Variants in GRM8 observed in about 807,000 individuals in gnomAD.
GRM8 encodes metabotropic glutamate receptor 8.
In GRM8, 47 loss-of-function variants were observed where a neutral mutation model predicts 87.2. The ratio of observed to expected loss-of-function variants is 0.54; its 90% CI spans 0.43 to 0.69. GRM8 has a LOEUF of 0.69. Among genes scored for constraint, GRM8 ranks in the 30% least tolerant of loss-of-function variants. GRM8 has a pLI of 0.00. For missense variants in GRM8, 1,019 were observed against 1,139.2 expected (o/e 0.89, Z 1.52); for synonymous variants, 396 against 404.5 (o/e 0.98, Z 0.25).
chr7:126,870,551 C>T (rs949111917), intron 6 of GRM8: 2 of 151,992 alleles, frequency 1.3e-5, no homozygotes, highest in Non-Finnish European at 2.9e-5. Context: ...TATTAATTGG[C>T]CAAATTCCAA....
chr7:126,569,588 A>G (rs1354803578), intron 8 of GRM8, among the ~76,000 whole-genome samples: 1 of 152,194 alleles, frequency 6.6e-6, no homozygotes, highest in Non-Finnish European at 1.5e-5. Context: ...ATGAAACCAC[A>G]TGGAGAACTC....
At chr7:126,999,557 A>G (rs1047558654) in intron 3 of GRM8, among the ~76,000 whole-genome samples, 1 of 151,782 alleles carries the variant, frequency 6.6e-6, no homozygotes, top group African/African-American at 2.4e-5. Context: ...AAATACAATA[A>G]TCTGATGTTA....
chr7:127,013,962 C>A (rs985828395), intron 3 of GRM8, among the ~76,000 whole-genome samples: 6 of 152,110 alleles, frequency 3.9e-5, no homozygotes, highest in African/African-American at 1.4e-4. Flanking sequence ...GTGCATCAGC[C>A]CATCTCATAA....
intron 9 of GRM8, among the ~76,000 whole-genome samples, chr7:126,514,429 T>C (rs1811879940): frequency 6.6e-6 from 1 of 152,150 alleles, no homozygotes; most frequent in Non-Finnish European, 1.5e-5. Flanking sequence ...GTTTTACAAC[T>C]CACAAATTCC....
chr7:126,642,189 T>C (rs950301540), intron 7 of GRM8, among the ~76,000 whole-genome samples: 3 of 152,228 alleles, frequency 2.0e-5, no homozygotes, highest in Non-Finnish European at 4.4e-5. Flanking sequence ...TTAATGAGTA[T>C]ATATTTTACA....
At chr7:126,482,588 A>G (rs1331442259) in intron 9 of GRM8, among the ~76,000 whole-genome samples, 1 of 152,060 alleles carries the variant, frequency 6.6e-6, no homozygotes, top group Non-Finnish European at 1.5e-5. Context: ...AGGTACCTAG[A>G]GTACTCAAAA....
intron 6 of GRM8, among the ~76,000 whole-genome samples, chr7:126,858,655 T>C (rs913196512): frequency 2.6e-5 from 4 of 152,174 alleles, no homozygotes; most frequent in Admixed American, 1.3e-4. Context: ...CTTTAAGTTA[T>C]GTTTCCACTG....
intron 6 of GRM8, among the ~76,000 whole-genome samples, chr7:126,817,581 T>C (rs919251553): frequency 6.6e-6 from 1 of 152,178 alleles, no homozygotes; most frequent in African/African-American, 2.4e-5. Context: ...CAGTTACCAG[T>C]AAATTTAGAA....
chr7:126,645,030 C>T (rs1423648270), intron 7 of GRM8, among the ~76,000 whole-genome samples: 2 of 152,154 alleles, frequency 1.3e-5, no homozygotes, highest in African/African-American at 4.8e-5. Flanking sequence ...CGGGCATAGG[C>T]CAAGCTAACT....
chr7:126,770,187 C>A, intron 6 of GRM8, 122 bp from the exon 7 acceptor site: 1 of 658,514 alleles, frequency 1.5e-6, no homozygotes, highest in Non-Finnish European at 2.6e-6. Context: ...GATTTCACTT[C>A]TGATTAATTC....
At chr7:126,644,220 A>T (rs9691125) in intron 7 of GRM8, among the ~76,000 whole-genome samples, 1 of 152,050 alleles carries the variant, frequency 6.6e-6, no homozygotes. Context: ...TCGTATTTTC[A>T]AATTTAAACA....
At chr7:126,841,774 C>T (rs1163278274) in intron 6 of GRM8, among the ~76,000 whole-genome samples, 2 of 151,826 alleles carry the variant, frequency 1.3e-5, no homozygotes, top group Admixed American at 1.3e-4. Context: ...ACTACAGGCG[C>T]CCCCACCAAG....
intron 2 of GRM8, among the ~76,000 whole-genome samples, chr7:127,164,567 T>C (rs1793322284): frequency 6.6e-6 from 1 of 152,202 alleles, no homozygotes; most frequent in African/African-American, 2.4e-5. Flanking sequence ...TTGAACAATG[T>C]ATTCATTCAG....
intron 7 of GRM8, among the ~76,000 whole-genome samples, chr7:126,615,886 A>T (rs1373247570): frequency 3.9e-5 from 6 of 152,170 alleles, no homozygotes; most frequent in Admixed American, 1.3e-4. Context: ...AAGTACTTAG[A>T]GACCTACAAA....
At chr7:126,441,596 C>T (rs1036356933) in intron 10 of GRM8, among the ~76,000 whole-genome samples, 1 of 151,972 alleles carries the variant, frequency 6.6e-6, no homozygotes, top group Non-Finnish European at 1.5e-5. Context: ...ATATATGAAT[C>T]CAATTCAGGA....
chr7:127,153,010 C>T (rs904520165), intron 2 of GRM8, among the ~76,000 whole-genome samples: 1 of 152,114 alleles, frequency 6.6e-6, no homozygotes, highest in East Asian at 1.9e-4. Flanking sequence ...TTAACACCCT[C>T]CCCATTTTCT....
intron 7 of GRM8, among the ~76,000 whole-genome samples, chr7:126,658,730 T>C (rs930792180): frequency 6.6e-6 from 1 of 151,924 alleles, no homozygotes; most frequent in Non-Finnish European, 1.5e-5. Flanking sequence ...ATATACTTTA[T>C]GTAAAGAAGG....
At chr7:126,828,491 T>C (rs1253880476) in intron 6 of GRM8, among the ~76,000 whole-genome samples, 2 of 152,226 alleles carry the variant, frequency 1.3e-5, no homozygotes, top group East Asian at 3.8e-4. Flanking sequence ...TTTTCTAGTT[T>C]ATTTATGTAG....
chr7:127,042,180 T>C (rs2132409677), intron 3 of GRM8, among the ~76,000 whole-genome samples: 1 of 152,324 alleles, frequency 6.6e-6, no homozygotes, highest in South Asian at 2.1e-4. Context: ...AAAGATTCCA[T>C]TTTCAGTCTG....
Sources: gnomAD v4.1 joint callset for allele counts (sites outside exome capture counted in the v4.1 genomes callset) on GRCh38, gnomAD v4.1.1 for gene constraint, MANE v1.5 for transcripts, NCBI Gene and HGNC (gene_info 2026-07-23, HGNC 2026-07-21) for gene names.